The following NELL1 variants were observed in gnomAD, a reference collection of about 807,000 sequenced individuals.
NELL1 encodes protein kinase C-binding protein NELL1.
Under a neutral mutation model 107.4 loss-of-function variants are expected in NELL1, and 76 were observed. That is an observed-to-expected ratio of 0.71 (90% CI 0.59 to 0.86). The LOEUF (loss-of-function observed/expected upper bound fraction) is 0.86. NELL1 is among the 40% of genes least tolerant of loss of function. The probability of loss-of-function intolerance (pLI) is 0.00; values close to 1 mark genes in which losing one functional copy is unlikely to be tolerated. For synonymous variants in NELL1, 353 were observed against 341.2 expected (o/e 1.03, Z -0.38); for missense variants, 1,024 against 1,005.5 (o/e 1.02, Z -0.25).
chr11:20,814,791 A>ATTTGTT (rs1437009567), intron 3 of NELL1, among the ~76,000 whole-genome samples: 2 of 152,028 alleles, frequency 1.3e-5, no homozygotes, highest in African/African-American at 4.8e-5. Context: ...TGTTAGAAAG[A>ATTTGTT]TTTGTTTTTG....
chr11:21,007,832 A>G (rs938997598), intron 12 of NELL1, among the ~76,000 whole-genome samples: 1 of 152,162 alleles, frequency 6.6e-6, no homozygotes, highest in Admixed American at 6.5e-5. Flanking sequence ...GCCCACTTAC[A>G]TAAGATGATT....
chr11:21,217,617 C>T (rs1857647877), intron 13 of NELL1, among the ~76,000 whole-genome samples: 2 of 152,098 alleles, frequency 1.3e-5, no homozygotes, highest in Non-Finnish European at 1.5e-5. Flanking sequence ...TATTTATGTG[C>T]TTATAGGAAA....
At chr11:21,528,640 A>G (rs1316987336) in intron 15 of NELL1, among the ~76,000 whole-genome samples, 1 of 147,212 alleles carries the variant, frequency 6.8e-6, no homozygotes, top group East Asian at 2.0e-4. Context: ...TTCTTCATAA[A>G]TTACTCAATC....
chr11:21,251,610 T>A (rs1858640341), intron 14 of NELL1, among the ~76,000 whole-genome samples: 1 of 151,138 alleles, frequency 6.6e-6, no homozygotes, highest in African/African-American at 2.4e-5. Context: ...ATCCACCAGG[T>A]AGGAATATTT....
At chr11:21,153,880 A>G (rs2133790318) in intron 13 of NELL1, among the ~76,000 whole-genome samples, 1 of 152,288 alleles carries the variant, frequency 6.6e-6, no homozygotes, top group African/African-American at 2.4e-5. Context: ...TTAGAAGTGG[A>G]GAACGTGTTC....
chr11:21,019,194 C>A (rs1172511801), intron 12 of NELL1, among the ~76,000 whole-genome samples: 1 of 152,124 alleles, frequency 6.6e-6, no homozygotes, highest in Non-Finnish European at 1.5e-5. Flanking sequence ...AATTGCTCTT[C>A]TTACCTCCTA....
chr11:21,233,743 T>C (rs762843761), intron 14 of NELL1, among the ~76,000 whole-genome samples: 1 of 152,212 alleles, frequency 6.6e-6, no homozygotes, highest in Non-Finnish European at 1.5e-5. Flanking sequence ...TTCCCAGTCC[T>C]GCATTAATGC....
intron 4 of NELL1, among the ~76,000 whole-genome samples, chr11:20,849,219 A>G (rs1848753137): frequency 6.6e-6 from 1 of 152,214 alleles, no homozygotes; most frequent in Admixed American, 6.5e-5. Flanking sequence ...GAAAGAGGCC[A>G]CAAAACCCTA....
intron 2 of NELL1, among the ~76,000 whole-genome samples, chr11:20,763,108 A>G (rs1160366373): frequency 6.6e-6 from 1 of 152,140 alleles, no homozygotes; most frequent in East Asian, 1.9e-4. Flanking sequence ...GGAGACACCT[A>G]TCACCCACAC....
chr11:21,404,052 C>T (rs538387843), intron 15 of NELL1, among the ~76,000 whole-genome samples: 41 of 138,938 alleles, frequency 3.0e-4, no homozygotes, highest in African/African-American at 8.2e-4. Context: ...CCCGCCACCA[C>T]GCACACCGAT....
At chr11:20,864,429 T>TTA (rs1849057229) in intron 4 of NELL1, among the ~76,000 whole-genome samples, 1 of 152,236 alleles carries the variant, frequency 6.6e-6, no homozygotes. Context: ...CTAACTGTAA[T>TTA]TATATATCCT....
chr11:21,236,470 A>T (rs1457931619), intron 14 of NELL1, among the ~76,000 whole-genome samples: 1 of 152,208 alleles, frequency 6.6e-6, no homozygotes, highest in South Asian at 2.1e-4. Context: ...GCAAATTTTT[A>T]TGTATTACAT....
intron 15 of NELL1, among the ~76,000 whole-genome samples, chr11:21,445,008 CAACTT>C (rs1853384164): frequency 1.3e-5 from 2 of 152,230 alleles, no homozygotes; most frequent in South Asian, 2.1e-4. Context: ...AAACTGATGA[CAACTT>C]AACACTGATT....
At chr11:21,499,306 T>C (rs1855075203) in intron 15 of NELL1, among the ~76,000 whole-genome samples, 1 of 152,122 alleles carries the variant, frequency 6.6e-6, no homozygotes, top group African/African-American at 2.4e-5. Context: ...ATTTGTTCAA[T>C]CTATTTGACT....
intron 2 of NELL1, among the ~76,000 whole-genome samples, chr11:20,747,532 T>C (rs1856031815): frequency 1.3e-5 from 2 of 152,220 alleles, no homozygotes; most frequent in African/African-American, 4.8e-5. Context: ...TCTTCAGTTA[T>C]GGAGGCTAAG....
chr11:20,897,962 A>G (rs956320453), intron 5 of NELL1, among the ~76,000 whole-genome samples: 1 of 152,196 alleles, frequency 6.6e-6, no homozygotes, highest in Non-Finnish European at 1.5e-5. Flanking sequence ...ACACTTTTAC[A>G]CTGTTGGTGG....
intron 16 of NELL1, among the ~76,000 whole-genome samples, chr11:21,538,933 C>G (rs1856217059): frequency 6.6e-6 from 1 of 152,066 alleles, no homozygotes; most frequent in Admixed American, 6.6e-5. Context: ...TACTCAAATT[C>G]TTATTCTGCT....
At chr11:21,255,558 G>C (rs776636375) in intron 14 of NELL1, among the ~76,000 whole-genome samples, 10 of 152,056 alleles carry the variant, frequency 6.6e-5, no homozygotes, top group Non-Finnish European at 1.5e-4. Flanking sequence ...TAGCTCGAAA[G>C]CTGGAAATGA....
intron 13 of NELL1, among the ~76,000 whole-genome samples, chr11:21,133,623 G>A (rs897056086): frequency 3.3e-5 from 5 of 151,898 alleles, no homozygotes; most frequent in African/African-American, 4.8e-5. Flanking sequence ...CTGAGCCCTC[G>A]CTCACCTGGT....
Sources: gnomAD v4.1 joint callset for allele counts (sites outside exome capture counted in the v4.1 genomes callset) on GRCh38, gnomAD v4.1.1 for gene constraint, MANE v1.5 for transcripts, NCBI Gene and HGNC (gene_info 2026-07-23, HGNC 2026-07-21) for gene names.